Variants in MYCBP2 observed in about 807,000 individuals in gnomAD.
The protein encoded by MYCBP2 is MYC binding protein 2.
In MYCBP2, 120 loss-of-function variants were observed where a neutral mutation model predicts 525.3. The ratio of observed to expected loss-of-function variants is 0.23; its 90% CI spans 0.20 to 0.27. The LOEUF (loss-of-function observed/expected upper bound fraction) is 0.27, where lower values mean the gene tolerates loss of function less well. MYCBP2 is among the 10% of genes least tolerant of loss of function. MYCBP2 has a pLI of 1.00. For synonymous variants in MYCBP2, 1,894 were observed against 1,955.8 expected (o/e 0.97, Z 0.83); for missense variants, 4,149 against 5,657.1 (o/e 0.73, Z 8.55).
At chr13:77,311,049 GAAGAGTAA>G (rs1199139313) in intron 1 of MYCBP2, among the ~76,000 whole-genome samples, 1 of 152,198 alleles carries the variant, frequency 6.6e-6, no homozygotes, top group African/African-American at 2.4e-5. Context: ...GTGATTCACA[GAAGAGTAA>G]ATTTCCCAGT....
intron 4 of MYCBP2, 59 bp from the exon 5 acceptor site, chr13:77,273,727 T>C: frequency 8.2e-7 from 1 of 1,226,332 alleles, no homozygotes; most frequent in Non-Finnish European, 1.1e-6. Flanking sequence ...TATATGCGTA[T>C]ATTTATTTAT....
intron 14 of MYCBP2, among the ~76,000 whole-genome samples, chr13:77,255,109 T>C (rs2071936076): frequency 6.6e-6 from 1 of 152,006 alleles, no homozygotes; most frequent in South Asian, 2.1e-4. Flanking sequence ...TTTTGATACA[T>C]ATACCCAGAA....
intron 82 of MYCBP2, among the ~76,000 whole-genome samples, chr13:77,049,927 C>G (rs891630568): frequency 6.6e-6 from 1 of 152,100 alleles, no homozygotes; most frequent in East Asian, 1.9e-4. Flanking sequence ...TCAGTCACAC[C>G]ACTTGGCCTA....
At chr13:77,125,669 G>A (rs982870156) in intron 53 of MYCBP2, among the ~76,000 whole-genome samples, 2 of 152,172 alleles carry the variant, frequency 1.3e-5, no homozygotes, top group African/African-American at 4.8e-5. Flanking sequence ...GCTTATTTAT[G>A]AATTTGGTTA....
intron 71 of MYCBP2, among the ~76,000 whole-genome samples, chr13:77,066,354 C>T (rs965220213): frequency 6.6e-6 from 1 of 152,208 alleles, no homozygotes; most frequent in East Asian, 1.9e-4. Context: ...GGACCACACA[C>T]GACTTATTTC....
chr13:77,174,899 C>T (rs367834587), intron 36 of MYCBP2, among the ~76,000 whole-genome samples: 1 of 964 alleles, frequency 1.0e-3, no homozygotes, highest in Non-Finnish European at 2.5e-3. Flanking sequence ...ATTAGCCATA[C>T]TATATATATA....
At chr13:77,325,094 A>G (rs1378050613) in intron 1 of MYCBP2, among the ~76,000 whole-genome samples, 1 of 152,238 alleles carries the variant, frequency 6.6e-6, no homozygotes. Context: ...AATCCTGTAA[A>G]CAATCACAGA....
intron 23 of MYCBP2, among the ~76,000 whole-genome samples, chr13:77,210,769 A>G (rs1301766019): frequency 6.6e-6 from 1 of 152,256 alleles, no homozygotes; most frequent in Non-Finnish European, 1.5e-5. Flanking sequence ...TTGATGACAG[A>G]CTAAAAATAA....
chr13:77,062,748 G>A (rs745767496), intron 73 of MYCBP2, 51 bp from the exon 74 acceptor site: 1 of 1,430,760 alleles, frequency 7.0e-7, no homozygotes, highest in Admixed American at 1.7e-5. Context: ...AAAGACTTAT[G>A]AAATGCTGAC....
At position 77,081,705 on chromosome 13, in the gene MYCBP2, T is replaced by C. The variant is rs935964070; in HGVS notation, c.11194-54A>G. 5.2e-6 allele frequency: 8 copies of C among 1,543,024 alleles called. No individual in the cohort carries two copies. Among genetic ancestry groups the C allele is most frequent in the Non-Finnish European group, 7.0e-6 (8 of 1,142,124 alleles). ...ATACTTAAAAGCAAATCTTTCGTGA[T>C]GATAAAACAAACAGGTATAAGATAA... On this transcript the variant is annotated intron_variant, in intron 64 of 82. Transcript: ENST00000544440. The surrounding 1 kb of genome is among the most constrained non-coding windows in gnomAD (Gnocchi z 4.6).
chr13:77,165,043 A>AT (rs1049444317), intron 42 of MYCBP2, among the ~76,000 whole-genome samples: 16 of 151,896 alleles, frequency 1.1e-4, no homozygotes, highest in Non-Finnish European at 1.6e-4. Flanking sequence ...ATTTCTTTTT[A>AT]TTTTTTTTGT....
chr13:77,096,667 T>C (rs2046300506), intron 56 of MYCBP2, among the ~76,000 whole-genome samples, 186 bp from the exon 57 acceptor site: 4 of 152,088 alleles, frequency 2.6e-5, no homozygotes, highest in Admixed American at 2.6e-4. Flanking sequence ...AGCAATCAAT[T>C]AAATGATGCC....
At chr13:77,257,027 AAC>A (rs1422164172) in intron 14 of MYCBP2, among the ~76,000 whole-genome samples, 1 of 152,096 alleles carries the variant, frequency 6.6e-6, no homozygotes. Context: ...GTGGCATATA[AAC>A]ACAAGGTAGT....
chr13:77,287,503 A>AT (rs1366247318), intron 3 of MYCBP2, among the ~76,000 whole-genome samples: 1 of 152,102 alleles, frequency 6.6e-6, no homozygotes, highest in African/African-American at 2.4e-5. Flanking sequence ...ACATGCTTCT[A>AT]TTATAGAAAT....
intron 13 of MYCBP2, among the ~76,000 whole-genome samples, chr13:77,259,602 C>T (rs974088280): frequency 1.3e-5 from 2 of 152,174 alleles, no homozygotes. Context: ...CAACATTAAG[C>T]CAGTTCACTT....
intron 79 of MYCBP2, 94 bp downstream of exon 79, chr13:77,056,891 GT>G: frequency 1.1e-6 from 1 of 934,240 alleles, no homozygotes; most frequent in East Asian, 2.4e-5. Flanking sequence ...GGGCTGGTGG[GT>G]AAAACCAAGA....
At chr13:77,290,762 T>C (rs1395578498) in intron 2 of MYCBP2, among the ~76,000 whole-genome samples, 7 of 152,188 alleles carry the variant, frequency 4.6e-5, no homozygotes, top group African/African-American at 1.7e-4. Flanking sequence ...ATCCTTGTGA[T>C]GGAACTGCTG....
intron 12 of MYCBP2, 103 bp from the exon 13 acceptor site, chr13:77,260,695 A>G: frequency 1.9e-6 from 2 of 1,030,356 alleles, no homozygotes; most frequent in Non-Finnish European, 2.7e-6. Context: ...ATTTGCATTT[A>G]TGACACTATT....
intron 14 of MYCBP2, among the ~76,000 whole-genome samples, chr13:77,253,924 T>A (rs1156747279): frequency 6.6e-6 from 1 of 151,900 alleles, no homozygotes; most frequent in African/African-American, 2.4e-5. Flanking sequence ...TCACAGGTTT[T>A]CCAGGAAACA....
Sources: allele counts gnomAD v4.1 joint callset (sites outside exome capture counted in the v4.1 genomes callset), GRCh38; gene constraint gnomAD v4.1.1; non-coding constraint Gnocchi (gnomAD v3.1); transcripts MANE v1.5; gene names NCBI Gene and HGNC (gene_info 2026-07-23, HGNC 2026-07-21).